PRKAG2: variants seen among roughly 807,000 people sequenced by gnomAD.
PRKAG2 encodes 5'-AMP-activated protein kinase subunit gamma-2.
Under a neutral mutation model 69.6 loss-of-function variants are expected in PRKAG2, and 26 were observed. The ratio of observed to expected loss-of-function variants is 0.37; its 90% CI spans 0.27 to 0.52. The LOEUF (loss-of-function observed/expected upper bound fraction) is 0.52, where lower values mean the gene tolerates loss of function less well. Among genes scored for constraint, PRKAG2 ranks in the 20% least tolerant of loss-of-function variants. The pLI is 0.90. For synonymous variants in PRKAG2, 293 were observed against 285.0 expected (o/e 1.03, Z -0.28); for missense variants, 557 against 740.0 (o/e 0.75, Z 2.87).
intron 5 of PRKAG2, among the ~76,000 whole-genome samples, chr7:151,624,518 T>C (rs1402962393): frequency 1.3e-5 from 2 of 152,022 alleles, no homozygotes; most frequent in African/African-American, 4.8e-5. Context: ...CTAGTTCCCT[T>C]CCCCCAAAAT....
chr7:151,723,786 C>T (rs1797498250), intron 3 of PRKAG2, among the ~76,000 whole-genome samples: 1 of 152,150 alleles, frequency 6.6e-6, no homozygotes, highest in Non-Finnish European at 1.5e-5. Context: ...CAAATCCTCT[C>T]CAGTCTCCCT....
In PRKAG2 at chr7:151,780,310, C is replaced by T. The variant is rs1005370560; in HGVS notation, c.466+842G>A. 7.2e-5 allele frequency among the ~76,000 whole-genome samples: 11 copies of T among 152,210 alleles called. No individual in the cohort carries two copies. Among genetic ancestry groups the T allele is most frequent in the African/African-American group, 2.7e-4 (11 of 41,452 alleles). ...AGATATAAAGCGTTGCTCTAACACACAGTATTGCCAGTCTTTCTGAGTAAA... is the reference window on the plus strand; with the variant it reads ...AGATATAAAGCGTTGCTCTAACACATAGTATTGCCAGTCTTTCTGAGTAAA... On this transcript the variant is annotated intron_variant, in intron 3 of 15. Coordinates refer to ENST00000287878, the MANE Select transcript of PRKAG2 (RefSeq NM_016203.4). The surrounding 1 kb of genome is among the most constrained non-coding windows in gnomAD (Gnocchi z 4.2).
chr7:151,857,087 A>C (rs2151902878), intron 1 of PRKAG2, among the ~76,000 whole-genome samples: 1 of 150,656 alleles, frequency 6.6e-6, no homozygotes, highest in African/African-American at 2.4e-5. Context: ...AACAATCCTA[A>C]GACCCATCTA....
chr7:151,824,512 C>A (rs1181980408), intron 1 of PRKAG2, among the ~76,000 whole-genome samples: 6 of 152,190 alleles, frequency 3.9e-5, no homozygotes, highest in African/African-American at 1.4e-4. Context: ...CTGTGTGGAG[C>A]CCCTCCCTCT....
rs1042558806 is a variant in PRKAG2 at position 151,638,438 on chromosome 7, T to G, written c.685-6300A>C. Among the ~76,000 whole-genome samples, 10 of 152,030 alleles carry G rather than the reference T, an allele frequency of 6.6e-5. No homozygotes were observed. The highest frequency in any genetic ancestry group is 4.6e-4 in the Admixed American group (7 of 15,266). ...TCACAAGGTCAGGAGATCGAGACCA[T>G]CCTGGCCAACATGGTGAAAACCCCG... On this transcript the variant is annotated intron_variant, in intron 4 of 15. Transcript: ENST00000287878. This position sits in a 1 kb window ranked among gnomAD's most constrained non-coding sequence, Gnocchi z 4.3.
intron 1 of PRKAG2, among the ~76,000 whole-genome samples, chr7:151,834,456 C>T (rs1047067482): frequency 2.0e-5 from 3 of 152,148 alleles, no homozygotes; most frequent in Admixed American, 6.5e-5. Context: ...CCTCTGGCCA[C>T]GTTTTTGTCA....
chr7:151,576,721 G>A (rs192158444), intron 6 of PRKAG2, among the ~76,000 whole-genome samples: 6 of 152,148 alleles, frequency 3.9e-5, no homozygotes, highest in Middle Eastern at 3.4e-3. Flanking sequence ...AGCTCGTCTC[G>A]AACTCCTGAC....
intron 3 of PRKAG2, among the ~76,000 whole-genome samples, chr7:151,733,153 C>G (rs1799232302): frequency 2.6e-5 from 4 of 152,228 alleles, no homozygotes; most frequent in African/African-American, 9.6e-5. Context: ...GGGCACAGGG[C>G]TCCCGCCTCC....
intron 4 of PRKAG2, among the ~76,000 whole-genome samples, chr7:151,673,578 C>A (rs568302164): frequency 1.3e-4 from 20 of 152,290 alleles, no homozygotes; most frequent in South Asian, 1.0e-3. Flanking sequence ...TAACCTTTGG[C>A]ACCTGAAATA....
intron 1 of PRKAG2, among the ~76,000 whole-genome samples, chr7:151,848,512 CT>C (rs1158559692): frequency 6.6e-3 from 413 of 62,182 alleles, no homozygotes; most frequent in African/African-American, 0.024. Context: ...TACTGCATGT[CT>C]TTTTTTTTTT....
intron 1 of PRKAG2, among the ~76,000 whole-genome samples, chr7:151,833,677 G>A (rs1229365578): frequency 6.6e-6 from 1 of 152,232 alleles, no homozygotes; most frequent in African/African-American, 2.4e-5. Flanking sequence ...TCCAGGGGTG[G>A]GGGATAGTTT....
intron 7 of PRKAG2, 79 bp downstream of exon 7, chr7:151,576,292 C>T: frequency 7.9e-7 from 1 of 1,268,094 alleles, no homozygotes; most frequent in Non-Finnish European, 1.1e-6. Context: ...GAATTCCAAA[C>T]CGGCATCTAT....
chr7:151,633,502 T>C (rs1362629400), intron 4 of PRKAG2, among the ~76,000 whole-genome samples: 2 of 148,452 alleles, frequency 1.3e-5, no homozygotes, highest in African/African-American at 5.0e-5. Context: ...ATACAAAATA[T>C]CAAAGAATCT....
intron 1 of PRKAG2, among the ~76,000 whole-genome samples, chr7:151,867,618 C>T (rs2080112049): frequency 6.6e-6 from 1 of 152,164 alleles, no homozygotes; most frequent in African/African-American, 2.4e-5. Flanking sequence ...AAAGAAGGTC[C>T]CATTCACAGG....
At chr7:151,680,949 T>G (rs980655832) in intron 3 of PRKAG2, among the ~76,000 whole-genome samples, 3 of 152,252 alleles carry the variant, frequency 2.0e-5, no homozygotes, top group Non-Finnish European at 4.4e-5. Flanking sequence ...CAAGGGATGT[T>G]CACAGCCCAT....
Position 151,714,380 on chromosome 7 carries a change from G to A in PRKAG2, c.467-38743C>T, listed in dbSNP as rs192760783. On this transcript the variant is annotated intron_variant, in intron 3 of 15. Transcript: ENST00000287878. ...CACGCACGCTGCCGTCCTCCCATCC[G>A]CGCCCCGCCGTGCCTAGGTGGAGAG... 3.0e-3 allele frequency among the ~76,000 whole-genome samples: 452 copies of A among 149,072 alleles called. 7 individuals are homozygous for A. The highest frequency in any genetic ancestry group is 9.1e-3 in the African/African-American group (367 of 40,404).
chr7:151,858,923 G>A (rs1029699497), intron 1 of PRKAG2, among the ~76,000 whole-genome samples: 5 of 152,074 alleles, frequency 3.3e-5, no homozygotes, highest in African/African-American at 7.2e-5. Flanking sequence ...GCCTTGTCTC[G>A]CCCCTAGGAG....
intron 3 of PRKAG2, among the ~76,000 whole-genome samples, chr7:151,748,278 A>C: frequency 6.6e-6 from 1 of 152,336 alleles, no homozygotes. Flanking sequence ...AGTAAACAAT[A>C]GATAGTATAT....
chr7:151,668,196 T>C (rs376582819), intron 4 of PRKAG2, among the ~76,000 whole-genome samples: 1 of 152,236 alleles, frequency 6.6e-6, no homozygotes, highest in African/African-American at 2.4e-5. Context: ...TCTTCCTCAG[T>C]TTCTCTCTCT....
Sources: gnomAD v4.1 joint callset for allele counts (sites outside exome capture counted in the v4.1 genomes callset) on GRCh38, gnomAD v4.1.1 for gene constraint, Gnocchi (gnomAD v3.1) non-coding constraint, MANE v1.5 for transcripts, NCBI Gene and HGNC (gene_info 2026-07-23, HGNC 2026-07-21) for gene names.